Variants in PAH observed in about 807,000 individuals in gnomAD.
PAH encodes the protein phenylalanine-4-hydroxylase.
A neutral mutation model predicts 62.0 loss-of-function variants in PAH; 64 were observed. The ratio of observed to expected loss-of-function variants is 1.03; its 90% CI spans 0.84 to 1.27. The LOEUF (loss-of-function observed/expected upper bound fraction) is 1.27. PAH is among the 50% of genes most tolerant of loss of function. The probability of loss-of-function intolerance (pLI) is 0.00; values close to 1 mark genes in which losing one functional copy is unlikely to be tolerated. For synonymous variants in PAH, 195 were observed against 196.2 expected (o/e 0.99, Z 0.05); for missense variants, 579 against 542.8 (o/e 1.07, Z -0.66).
chr12:102,892,262 G>T (rs903745155), intron 3 of PAH, among the ~76,000 whole-genome samples: 1 of 152,124 alleles, frequency 6.6e-6, no homozygotes, highest in Non-Finnish European at 1.5e-5. Context: ...TTTACGGGGT[G>T]GATCTTGTCT....
At chr12:102,935,266 T>G (rs1339147685) in intron 1 of PAH, among the ~76,000 whole-genome samples, 2 of 152,082 alleles carry the variant, frequency 1.3e-5, no homozygotes, top group Non-Finnish European at 2.9e-5. Context: ...TGATGAATGA[T>G]CTTTTAAACG....
At chr12:102,867,945 A>G (rs1441584864) in intron 4 of PAH, among the ~76,000 whole-genome samples, 1 of 118,514 alleles carries the variant, frequency 8.4e-6, no homozygotes, top group Non-Finnish European at 1.8e-5. Context: ...ATATACATGT[A>G]TATACATATA....
chr12:102,851,680 T>G lies in PAH; in HGVS notation c.912+7A>C, dbSNP rs1296267329. The G allele has an allele frequency of 6.2e-7, 1 of 1,613,140 alleles. No individual in the cohort carries two copies. The highest frequency in any genetic ancestry group is 8.5e-7 in the Non-Finnish European group (1 of 1,179,302). ...ATAACTAGAAGGCTAAAAAATCCATTCCTTACCTGGGAAAACTGGGCAAAG... is the reference window on the plus strand; with the variant it reads ...ATAACTAGAAGGCTAAAAAATCCATGCCTTACCTGGGAAAACTGGGCAAAG... On this transcript the variant is annotated splice_region_variant and intron_variant, in intron 8 of 12. Coordinates refer to ENST00000553106, the MANE Select transcript of PAH (RefSeq NM_000277.3).
intron 3 of PAH, among the ~76,000 whole-genome samples, chr12:102,892,989 A>C (rs1877339561): frequency 6.6e-6 from 1 of 152,264 alleles, no homozygotes; most frequent in Non-Finnish European, 1.5e-5. Flanking sequence ...AGTTCTAAAA[A>C]AAAATACCAC....
At chr12:102,845,940 C>T (rs1874821005) in intron 9 of PAH, among the ~76,000 whole-genome samples, 2 of 152,130 alleles carry the variant, frequency 1.3e-5, no homozygotes, top group South Asian at 4.1e-4. Flanking sequence ...CTTTGACTTC[C>T]AAGTTTATTT....
intron 1 of PAH, among the ~76,000 whole-genome samples, chr12:102,943,547 G>T (rs146788167): frequency 6.6e-6 from 1 of 151,956 alleles, no homozygotes; most frequent in Non-Finnish European, 1.5e-5. Flanking sequence ...ACTACCATTC[G>T]ACCCAGCATT....
At position 102,852,797 on chromosome 12, in the gene PAH, C is replaced by G; in HGVS notation, c.842+18G>C. On this transcript the variant is annotated intron_variant, in intron 7 of 12. Transcript: ENST00000553106. Reference sequence around the variant, plus strand: ...GCTCATTGTGCCTGGCAACTGGTAGCTGGAGGACAGTACTCACGGTTCGGG... The same window carrying G: ...GCTCATTGTGCCTGGCAACTGGTAGGTGGAGGACAGTACTCACGGTTCGGG... 6.2e-7 allele frequency: 1 copy of G among 1,613,948 alleles called. No individual in the cohort carries two copies. Among genetic ancestry groups the G allele is most frequent in the Non-Finnish European group, 8.5e-7 (1 of 1,179,882 alleles).
chr12:102,858,179 G>C, intron 5 of PAH, among the ~76,000 whole-genome samples: 1 of 152,104 alleles, frequency 6.6e-6, no homozygotes, highest in Non-Finnish European at 1.5e-5. Flanking sequence ...TGCAATCCTA[G>C]TCTCTGATAA....
chr12:102,929,427 C>T (rs1352252407), intron 1 of PAH, among the ~76,000 whole-genome samples: 2 of 152,098 alleles, frequency 1.3e-5, no homozygotes, highest in East Asian at 3.9e-4. Context: ...CAGAACCTTC[C>T]AGGCAGAAGG....
chr12:102,860,496 T>G (rs1007518021), intron 5 of PAH, among the ~76,000 whole-genome samples: 2 of 88,990 alleles, frequency 2.2e-5, no homozygotes, highest in African/African-American at 6.2e-5. Flanking sequence ...TTAAAGTTCA[T>G]ATGGAACCAA....
intron 2 of PAH, among the ~76,000 whole-genome samples, chr12:102,899,935 A>C (rs1877682705): frequency 6.7e-6 from 1 of 149,224 alleles, no homozygotes; most frequent in Admixed American, 6.7e-5. Context: ...GTCAGTAAGC[A>C]CTTCAAGACA....
At chr12:102,888,883 G>A in intron 3 of PAH, among the ~76,000 whole-genome samples, 1 of 152,082 alleles carries the variant, frequency 6.6e-6, no homozygotes, top group East Asian at 1.9e-4. Context: ...CAGACACAGA[G>A]CCACATACAT....
chr12:102,894,860 T>C lies in PAH; in HGVS notation c.227A>G (p.Glu76Gly), dbSNP rs62507347. Residue 76 changes from glutamate (E) to glycine (G), a missense_variant, in exon 3 of 13, where the codon GAG (glutamate) becomes GGG (glycine). Physicochemically the swap from Glu to Gly is moderately conservative, Grantham distance 98. Transcript: ENST00000553106. ...ATCCAAATGGGTGAAAAATTCATAC[T>C]CATCTTTCTTTAAACGAGAAGGTCT... ...ESRPSRLKKD[E>G]YEFFTHLDKR... 2 of 1,613,792 alleles carry C rather than the reference T, an allele frequency of 1.2e-6. No homozygotes were observed. The highest frequency in any genetic ancestry group is 1.7e-6 in the Non-Finnish European group (2 of 1,179,744).
chr12:102,861,155 C>CA (rs1200164847), intron 5 of PAH, among the ~76,000 whole-genome samples: 1 of 152,128 alleles, frequency 6.6e-6, no homozygotes, highest in Non-Finnish European at 1.5e-5. Context: ...ACAACCCCAT[C>CA]AAAAAATGGG....
intron 1 of PAH, chr12:102,950,168 C>A (rs188795062): frequency 5.7e-4 from 87 of 152,344 alleles, no homozygotes; most frequent in African/African-American, 1.9e-3. Flanking sequence ...CCTAAAGAGT[C>A]CATGAGAGTG....
chr12:102,958,393 C>CGCAGCAGCAGCAGCAGCA (rs3832799), upstream of PAH: 145 of 1,507,140 alleles, frequency 9.6e-5, no homozygotes, highest in African/African-American at 4.6e-4. Context: ...GCGCAGAGCG[C>CGCAGCAGCAGCAGCAGCA]GCAGCAGCAG....
intron 12 of PAH, 113 bp from the exon 13 acceptor site, chr12:102,839,331 G>T: frequency 1.0e-6 from 1 of 986,568 alleles, no homozygotes; most frequent in Non-Finnish European, 1.6e-6. Context: ...TGAGCTGGGT[G>T]CCACCCCAAC....
intron 2 of PAH, among the ~76,000 whole-genome samples, chr12:102,908,695 G>T (rs1025673649): frequency 1.3e-5 from 2 of 152,134 alleles, no homozygotes; most frequent in African/African-American, 4.8e-5. Context: ...TGGAACATAG[G>T]TTACAATTAA....
At chr12:102,949,048 A>G (rs182066994) in intron 1 of PAH, among the ~76,000 whole-genome samples, 1 of 152,042 alleles carries the variant, frequency 6.6e-6, no homozygotes, top group Non-Finnish European at 1.5e-5. Flanking sequence ...CGAACGACCC[A>G]CACAACTCGC....
Sources: allele counts gnomAD v4.1 joint callset (sites outside exome capture counted in the v4.1 genomes callset), GRCh38; gene constraint gnomAD v4.1.1; transcripts MANE v1.5; gene names NCBI Gene and HGNC (gene_info 2026-07-23, HGNC 2026-07-21).